The following E2F1 variants were observed in gnomAD, a reference collection of about 807,000 sequenced individuals.
E2F1 encodes transcription factor E2F1.
In E2F1, 7 loss-of-function variants were observed where a neutral mutation model predicts 36.9. The observed-to-expected ratio is 0.19, with a 90% CI of 0.11 to 0.36. The LOEUF (loss-of-function observed/expected upper bound fraction) is 0.36, where lower values mean the gene tolerates loss of function less well. Ranked by LOEUF, E2F1 falls within the 10% of genes least tolerant of loss-of-function variation. E2F1 has a pLI of 1.00. For synonymous variants in E2F1, 261 were observed against 263.1 expected (o/e 0.99, Z 0.08); for missense variants, 406 against 573.6 (o/e 0.71, Z 2.99).
At chr20:33,680,897 A>C (rs924417209) in intron 1 of E2F1, among the ~76,000 whole-genome samples, 3 of 152,200 alleles carry the variant, frequency 2.0e-5, no homozygotes, top group Non-Finnish European at 4.4e-5. Context: ...TCCCAACAGC[A>C]ACACTTAGTC....
chr20:33,681,042 T>C (rs775615351), intron 1 of E2F1, among the ~76,000 whole-genome samples: 1 of 151,560 alleles, frequency 6.6e-6, no homozygotes, highest in Non-Finnish European at 1.5e-5. Context: ...TAAGGCACTA[T>C]TTTTTTTTCT....
chr20:33,685,892 C>T, intron 1 of E2F1, 112 bp downstream of exon 1: 1 of 987,808 alleles, frequency 1.0e-6, no homozygotes, highest in Non-Finnish European at 1.2e-6. Flanking sequence ...CTGGGCGCCT[C>T]AGTCAACCCC....
chr20:33,677,114 G>A lies in E2F1; in HGVS notation c.1057C>T (p.Leu353=). ...TTDPSQSLLS[L]EQEPLLSRMG... ...CCTACCCATCACCCACCTTGCTCCA[G>A]GCTGAGTAGAGACTGGCTGGGATCT... The change falls in exon 6 of 7, where the codon CTG becomes TTG. Residue 353 remains leucine, a synonymous_variant. Transcript: ENST00000343380. 1 of 1,595,400 alleles carries A rather than the reference G, an allele frequency of 6.3e-7. No homozygotes were observed. Among genetic ancestry groups the A allele is most frequent in the Non-Finnish European group, 8.6e-7 (1 of 1,169,536 alleles).
chr20:33,676,456 A>C lies in E2F1; in HGVS notation c.*276T>G. On this transcript the variant is annotated 3_prime_UTR_variant, in exon 7 of 7. Transcript: ENST00000343380. ...TGTATGTTCACCTTCATTCCCCGGT[A>C]CATGCACACACACATGCTCACACAC... 2.5e-6 allele frequency: 1 copy of C among 405,780 alleles called. No individual in the cohort carries two copies. Among genetic ancestry groups the C allele is most frequent in the Non-Finnish European group, 4.4e-6 (1 of 225,610 alleles). 25.1% of individuals were successfully genotyped at this position (405,780 alleles called of 1,614,324 possible).
chr20:33,679,849 G>A lies in E2F1; in HGVS notation c.478C>T (p.Leu160=), dbSNP rs1174652958. The part of the protein sequence containing the change: ...VVDLNWAAEV[L]KVQKRRIYDI... ...TAGATGCGCCGCTTCTGCACCTTCA[G>A]CACCTCGGCAGCCCAGTTCAGGTCG... Residue 160 remains leucine, a synonymous_variant, in exon 3 of 7, where the codon CTG becomes TTG. Coordinates refer to ENST00000343380, the MANE Select transcript of E2F1 (RefSeq NM_005225.3). The surrounding 1 kb of genome is among the most constrained non-coding windows in gnomAD (Gnocchi z 4.6). 5.0e-6 allele frequency: 8 copies of A among 1,614,116 alleles called. No individual in the cohort carries two copies. Among genetic ancestry groups the A allele is most frequent in the Non-Finnish European group, 6.8e-6 (8 of 1,180,046 alleles).
intron 4 of E2F1, 135 bp from the exon 5 acceptor site, chr20:33,677,675 G>A (rs969876233): frequency 4.1e-5 from 26 of 626,506 alleles, no homozygotes; most frequent in African/African-American, 2.6e-4. Flanking sequence ...CCTACCTCAC[G>A]CCTGAGTTTC....
intron 1 of E2F1, among the ~76,000 whole-genome samples, chr20:33,684,383 T>A (rs2018044769): frequency 6.6e-6 from 1 of 152,158 alleles, no homozygotes; most frequent in Admixed American, 6.5e-5. Flanking sequence ...ACAGGCCACC[T>A]GGCCCACCCC....
rs148012006 is a variant in E2F1 at position 33,675,612 on chromosome 20, G to A, written c.*1120C>T. ...GACAGGGAGAAGGGAAGTGGAGAATGGGCATTTCCCCAGCAACCTTGGCCT... is the reference window on the plus strand; with the variant it reads ...GACAGGGAGAAGGGAAGTGGAGAATAGGCATTTCCCCAGCAACCTTGGCCT... On this transcript the variant is annotated 3_prime_UTR_variant, in exon 7 of 7. Coordinates refer to ENST00000343380, the MANE Select transcript of E2F1 (RefSeq NM_005225.3). 4.5e-5 allele frequency: 7 copies of A among 156,634 alleles called. No individual in the cohort carries two copies. The East Asian group carries it at 1.3e-3, about 28-fold the overall frequency. 9.7% of individuals were successfully genotyped at this position (156,634 alleles called of 1,614,324 possible). A position where few individuals can be genotyped will look rare whatever the true frequency, so the allele number is the denominator to read the frequency against.
Position 33,676,343 on chromosome 20 carries a change from T to G in E2F1, c.*389A>C, listed in dbSNP as rs902556359. ...ACCCCCAGAGCAAAAGGGCCGAAAGTGCAGTTAGAGCCCCCCCACGCGCAC... is the reference window on the plus strand; with the variant it reads ...ACCCCCAGAGCAAAAGGGCCGAAAGGGCAGTTAGAGCCCCCCCACGCGCAC... On this transcript the variant is annotated 3_prime_UTR_variant, in exon 7 of 7. Transcript: ENST00000343380. 6.0e-6 allele frequency: 1 copy of G among 167,776 alleles called. No homozygotes were observed. The highest frequency in any genetic ancestry group is 2.4e-5 in the African/African-American group (1 of 41,948). The allele number at this position is 167,776 out of a possible 1,614,324, so 10.4% of individuals were successfully genotyped here.
At position 33,676,658 on chromosome 20, in the gene E2F1, G is replaced by A; in HGVS notation, c.*74C>T. The A allele has an allele frequency of 1.3e-6, 2 of 1,509,446 alleles. No individual in the cohort carries two copies. The highest frequency in any genetic ancestry group is 1.8e-6 in the Non-Finnish European group (2 of 1,128,456). 93.5% of individuals were successfully genotyped at this position (1,509,446 alleles called of 1,614,324 possible). On this transcript the variant is annotated 3_prime_UTR_variant, in exon 7 of 7. Transcript: ENST00000343380. Reference sequence around the variant, plus strand: ...TGTTTCCAAACAGGCTGGGAGGACGGCCAGGGACAGGGGGCTCCAGGGCTG... The same window carrying A: ...TGTTTCCAAACAGGCTGGGAGGACGACCAGGGACAGGGGGCTCCAGGGCTG...
chr20:33,681,233 C>T lies in E2F1; in HGVS notation c.262-817G>A, dbSNP rs534106504. Among the ~76,000 whole-genome samples the T allele has an allele frequency of 5.7e-4, 87 of 152,026 alleles. 2 individuals are homozygous for T. The highest frequency in any genetic ancestry group is 1.7e-3 in the South Asian group (8 of 4,822). On this transcript the variant is annotated intron_variant, in intron 1 of 6. Transcript: ENST00000343380. ...TTTCTATTTCTCGTAGAGATGGGGT[C>T]TCCCTATGTTGCCCAGACTGGTCTC...
chr20:33,676,876 G>T lies in E2F1; in HGVS notation c.1170C>A (p.Asp390Glu). The stretch of plus-strand genomic sequence containing the variant: ...ACTCCTCAGGGAGGAGGCCGGAGAA[G>T]TCCTCCCGCACATGCTCCAGGAGCG... ...ADSLLEHVRE[D>E]FSGLLPEEFI... The change falls in exon 7 of 7, where the codon GAC becomes GAA. Residue 390 changes from aspartate (D) to glutamate (E), a missense_variant. Asp to Glu is a conservative substitution (Grantham distance 45, BLOSUM62 2). Coordinates refer to ENST00000343380, the MANE Select transcript of E2F1 (RefSeq NM_005225.3). The T allele has an allele frequency of 6.3e-7, 1 of 1,579,772 alleles. No individual in the cohort carries two copies. The highest frequency in any genetic ancestry group is 8.6e-7 in the Non-Finnish European group (1 of 1,161,774).
At position 33,676,733 on chromosome 20, in the gene E2F1, C is replaced by T; in HGVS notation, c.1313G>A (p.Ter438=). ...DFGDLTPLDF[*] is the part of the protein sequence containing the mutation. ...AAACCCTGGTCCCTCCAAGCCCTGTCAGAAATCCAGGGGGGTGAGGTCCCC... is the reference window on the plus strand; with the variant it reads ...AAACCCTGGTCCCTCCAAGCCCTGTTAGAAATCCAGGGGGGTGAGGTCCCC... The change falls in exon 7 of 7, where the codon TGA becomes TAA. Residue 438 remains the stop codon, a stop_retained_variant. Transcript: ENST00000343380. The T allele has an allele frequency of 1.2e-6, 2 of 1,607,404 alleles. No individual in the cohort carries two copies. The highest frequency in any genetic ancestry group is 1.7e-6 in the Non-Finnish European group (2 of 1,176,974).
chr20:33,677,267 T>TGGG lies in E2F1; in HGVS notation c.903_904insCCC (p.Glu301_Thr302insPro). Reference sequence around the variant, plus strand: ...TTCCCAGGGCTGATCCCACCTACGGTCTCCTCAGGGCACAGGAAAACATCG... The same window carrying TGGG: ...TTCCCAGGGCTGATCCCACCTACGGTGGGCTCCTCAGGGCACAGGAAAACATCG... On this transcript the variant is annotated inframe_insertion, in exon 6 of 7. Coordinates refer to ENST00000343380, the MANE Select transcript of E2F1 (RefSeq NM_005225.3). 1 of 1,613,842 alleles carries TGGG rather than the reference T, an allele frequency of 6.2e-7. No homozygotes were observed. Among genetic ancestry groups the TGGG allele is most frequent in the East Asian group, 2.2e-5 (1 of 44,858 alleles).
chr20:33,684,744 G>A (rs3213149), intron 1 of E2F1, among the ~76,000 whole-genome samples: 1 of 152,148 alleles, frequency 6.6e-6, no homozygotes, highest in Non-Finnish European at 1.5e-5. Context: ...GGCAGCACTG[G>A]GCATGGGGCC....
intron 1 of E2F1, among the ~76,000 whole-genome samples, chr20:33,681,998 C>A (rs2018022616): frequency 6.6e-6 from 1 of 151,324 alleles, no homozygotes; most frequent in African/African-American, 2.4e-5. Flanking sequence ...ACCCTCCCCA[C>A]TTCACGCCTG....
At chr20:33,680,042 A>T in intron 2 of E2F1, 68 bp from the exon 3 acceptor site, 2 of 1,345,766 alleles carry the variant, frequency 1.5e-6, no homozygotes, top group Admixed American at 3.9e-5. Flanking sequence ...CAGGCCTGCC[A>T]CTCTGGCAGT....
Position 33,677,155 on chromosome 20 carries a change from G to C in E2F1, c.1016C>G (p.Pro339Arg). The change falls in exon 6 of 7, where the codon CCC (proline) becomes CGC (arginine). Residue 339 changes from proline (P) to arginine (R), a missense_variant. By Grantham distance (103) the Pro-to-Arg change is moderately radical (BLOSUM62 -2). Coordinates refer to ENST00000343380, the MANE Select transcript of E2F1 (RefSeq NM_005225.3). ...TIVSPPPSSPPSSLTTDPSQS... is the reference protein window; with the variant it reads ...TIVSPPPSSPRSSLTTDPSQS... ...GCTGGGATCTGTGGTGAGGGATGAG[G>C]GGGGAGATGATGGTGGTGGTGACAC... The C allele has an allele frequency of 1.9e-6, 3 of 1,614,158 alleles. No homozygotes were observed. Among genetic ancestry groups the C allele is most frequent in the South Asian group, 1.1e-5 (1 of 91,084 alleles).
At chr20:33,677,039 T>C (rs2017970017) in intron 6 of E2F1, 60 bp from the exon 7 acceptor site, 4 of 1,561,562 alleles carry the variant, frequency 2.6e-6, no homozygotes, top group Non-Finnish European at 3.5e-6. Context: ...AGGCAGGGGC[T>C]GTCGTGCCTG....
Sources: allele counts gnomAD v4.1 joint callset (sites outside exome capture counted in the v4.1 genomes callset), GRCh38; gene constraint gnomAD v4.1.1; non-coding constraint Gnocchi (gnomAD v3.1); transcripts MANE v1.5; gene names NCBI Gene and HGNC (gene_info 2026-07-23, HGNC 2026-07-21).